Variants in PINX1 observed in about 807,000 individuals in gnomAD.
The protein encoded by PINX1 is PIN2 (TERF1) interacting telomerase inhibitor 1.
In PINX1, 34 loss-of-function variants were observed where a neutral mutation model predicts 25.4. The observed-to-expected ratio is 1.34, with a 90% CI of 1.02 to 1.78. The LOEUF is 1.78. Ranked by LOEUF, PINX1 falls within the 40% of genes most tolerant of loss-of-function variation. PINX1 has a pLI of 0.00. For missense variants in PINX1, 592 were observed against 404.9 expected (o/e 1.46, Z -3.97); for synonymous variants, 197 against 147.7 (o/e 1.33, Z -2.42).
Position 10,779,205 on chromosome 8 carries a change from A to C in PINX1, c.472-13289T>G, listed in dbSNP as rs77764165. Among the ~76,000 whole-genome samples the C allele has an allele frequency of 6.0e-4, 92 of 152,342 alleles. 2 individuals carry two copies. In the East Asian group the frequency reaches 0.017, roughly 28 times the overall value. On this transcript the variant is annotated intron_variant, in intron 6 of 6. Transcript: ENST00000314787. Reference sequence around the variant, plus strand: ...TAAGCAGCAAGCCCTGCAGAGTCTGACAGTGAGATGACCACTGTGAAGAAA... The same window carrying C: ...TAAGCAGCAAGCCCTGCAGAGTCTGCCAGTGAGATGACCACTGTGAAGAAA...
chr8:10,818,312 A>G (rs1007924967), intron 6 of PINX1, among the ~76,000 whole-genome samples: 1 of 152,194 alleles, frequency 6.6e-6, no homozygotes, highest in Admixed American at 6.5e-5. Flanking sequence ...AGCTCCTCAA[A>G]CACAGGTGGA....
chr8:10,794,468 C>G (rs963874379), intron 6 of PINX1, among the ~76,000 whole-genome samples: 19 of 151,620 alleles, frequency 1.3e-4, no homozygotes, highest in Non-Finnish European at 2.6e-4. Flanking sequence ...GAGTTTCGCT[C>G]TTCTTGCCCA....
chr8:10,772,193 T>A (rs1229842202), intron 6 of PINX1, among the ~76,000 whole-genome samples: 1 of 152,206 alleles, frequency 6.6e-6, no homozygotes, highest in Admixed American at 6.5e-5. Context: ...GGTAAGCAGC[T>A]CATTTGGAGA....
chr8:10,800,766 G>A (rs958987430), intron 6 of PINX1, among the ~76,000 whole-genome samples: 7 of 152,106 alleles, frequency 4.6e-5, no homozygotes, highest in African/African-American at 1.2e-4. Flanking sequence ...CACTACGCCC[G>A]GCCAAGAATA....
intron 6 of PINX1, among the ~76,000 whole-genome samples, chr8:10,804,573 T>G (rs1802377694): frequency 6.6e-6 from 1 of 151,952 alleles, no homozygotes; most frequent in East Asian, 1.9e-4. Context: ...GAATAAGCTC[T>G]CAAAACGCTC....
chr8:10,776,021 T>A (rs935910488), intron 6 of PINX1, among the ~76,000 whole-genome samples: 2 of 152,182 alleles, frequency 1.3e-5, no homozygotes, highest in East Asian at 3.9e-4. Flanking sequence ...GGAATCCACT[T>A]TGAAAATCAA....
intron 6 of PINX1, among the ~76,000 whole-genome samples, chr8:10,786,612 C>A (rs1287624458): frequency 1.3e-5 from 2 of 152,196 alleles, no homozygotes; most frequent in Non-Finnish European, 2.9e-5. Flanking sequence ...TGTGACTGGT[C>A]AATGCAGGGG....
At chr8:10,777,568 G>A (rs1202728843) in intron 6 of PINX1, among the ~76,000 whole-genome samples, 1 of 152,154 alleles carries the variant, frequency 6.6e-6, no homozygotes, top group Non-Finnish European at 1.5e-5. Flanking sequence ...GAGTGGCTTG[G>A]GGACTGCAGG....
intron 6 of PINX1, among the ~76,000 whole-genome samples, chr8:10,808,965 G>C (rs1361223195): frequency 2.0e-5 from 3 of 152,228 alleles, no homozygotes; most frequent in Non-Finnish European, 4.4e-5. Flanking sequence ...CTTGATATAT[G>C]AATTTGTTGG....
chr8:10,784,471 T>C lies in PINX1; in HGVS notation c.472-18555A>G, dbSNP rs140035642. Among the ~76,000 whole-genome samples the C allele has an allele frequency of 3.4e-4, 52 of 152,322 alleles. No individual in the cohort carries two copies. The East Asian group carries it at 0.01, about 29-fold the overall frequency. ...AAACTAACTGCACTGATTCCCAAAG[T>C]CTACTCAACAATTTCCTATAAAAGC... On this transcript the variant is annotated intron_variant, in intron 6 of 6. Coordinates refer to ENST00000314787, the MANE Select transcript of PINX1 (RefSeq NM_017884.6).
chr8:10,785,658 C>G (rs984962493), intron 6 of PINX1, among the ~76,000 whole-genome samples: 1 of 152,178 alleles, frequency 6.6e-6, no homozygotes, highest in Non-Finnish European at 1.5e-5. Flanking sequence ...AGTTCTCAAA[C>G]CCCAAACTCA....
rs765631275 is a variant in PINX1 at position 10,834,620 on chromosome 8, A to C, written c.129+46T>G. On this transcript the variant is annotated intron_variant, in intron 2 of 6. Transcript: ENST00000314787. The stretch of plus-strand genomic sequence containing the variant: ...GAAGGAAGTTTTCCCCTAATTTCTA[A>C]TCTCTTTTCATAGCTCAGATTTTTT... 13 of 1,596,878 alleles carry C rather than the reference A, an allele frequency of 8.1e-6. No homozygotes were observed. The African/African-American group carries it at 1.8e-4, about 21-fold the overall frequency.
chr8:10,790,006 T>A (rs868164308), intron 6 of PINX1, among the ~76,000 whole-genome samples: 23 of 152,310 alleles, frequency 1.5e-4, no homozygotes, highest in Middle Eastern at 3.4e-3. Context: ...TGAGGACAAC[T>A]GCATTCAGGA....
chr8:10,776,074 T>C (rs954989380), intron 6 of PINX1, among the ~76,000 whole-genome samples: 114 of 152,194 alleles, frequency 7.5e-4, no homozygotes, highest in African/African-American at 2.6e-3. Context: ...GCATTCATTA[T>C]AGCCTAGATA....
rs531784569 is a variant in PINX1, at chr8:10,815,346, T to C, written c.471+4847A>G. Among the ~76,000 whole-genome samples the C allele has an allele frequency of 2.0e-5, 3 of 152,344 alleles. No individual in the cohort carries two copies. The East Asian group carries it at 5.8e-4, about 29-fold the overall frequency. On this transcript the variant is annotated intron_variant, in intron 6 of 6. Transcript: ENST00000314787. ...ATCTTGCATTTAGCTTGGATTGTTG[T>C]TTCGCTTTGATATAATTTTCTTTTA...
intron 1 of PINX1, among the ~76,000 whole-genome samples, chr8:10,836,921 G>C (rs1050067671): frequency 8.9e-5 from 13 of 145,616 alleles, no homozygotes; most frequent in African/African-American, 3.2e-4. Flanking sequence ...ATCATGGTAA[G>C]GAAAAGACTG....
chr8:10,834,082 G>A (rs918256783), intron 2 of PINX1, among the ~76,000 whole-genome samples: 3 of 152,132 alleles, frequency 2.0e-5, no homozygotes, highest in Non-Finnish European at 2.9e-5. Flanking sequence ...TGAGATCACT[G>A]CAGCAAAGTG....
chr8:10,833,951 G>A (rs1432813275), intron 2 of PINX1, among the ~76,000 whole-genome samples: 1 of 152,136 alleles, frequency 6.6e-6, no homozygotes, highest in African/African-American at 2.4e-5. Flanking sequence ...TTACTCAAGT[G>A]GAAATATCAA....
At chr8:10,807,619 T>C (rs1218514031) in intron 6 of PINX1, among the ~76,000 whole-genome samples, 1 of 151,984 alleles carries the variant, frequency 6.6e-6, no homozygotes, top group Non-Finnish European at 1.5e-5. Context: ...GATAAACAGG[T>C]CTGTGCTAAG....
Sources: allele counts gnomAD v4.1 joint callset (sites outside exome capture counted in the v4.1 genomes callset), GRCh38; gene constraint gnomAD v4.1.1; transcripts MANE v1.5; gene names NCBI Gene and HGNC (gene_info 2026-07-23, HGNC 2026-07-21).